The following STK32C variants were observed in gnomAD, a reference collection of about 807,000 sequenced individuals.
The protein encoded by STK32C is serine/threonine-protein kinase 32C.
STK32C carries 31 observed loss-of-function variants against 56.5 expected under a neutral mutation model. That is an observed-to-expected ratio of 0.55 (90% CI 0.41 to 0.74). The LOEUF (loss-of-function observed/expected upper bound fraction) is 0.74, where lower values mean the gene tolerates loss of function less well. Ranked by LOEUF, STK32C falls within the 30% of genes least tolerant of loss-of-function variation. The pLI, the probability that STK32C is intolerant of heterozygous loss-of-function variation, is 0.00. For synonymous variants in STK32C, 309 were observed against 289.4 expected, an observed-to-expected ratio of 1.07 and a Z score of -0.69; for missense variants, 544 against 676.9, an observed-to-expected ratio of 0.80 and a Z score of 2.18.
intron 1 of STK32C, among the ~76,000 whole-genome samples, chr10:132,259,231 A>C (rs1047127972): frequency 7.9e-5 from 12 of 152,368 alleles, no homozygotes; most frequent in African/African-American, 2.9e-4. Context: ...CCCTCCTTCC[A>C]TCCAGGGTAA....
chr10:132,238,247 G>C (rs571075278), intron 2 of STK32C, among the ~76,000 whole-genome samples: 1 of 152,378 alleles, frequency 6.6e-6, no homozygotes, highest in African/African-American at 2.4e-5. Flanking sequence ...GCAGGTCCAA[G>C]AGATCCACAT....
chr10:132,249,214 G>A (rs955537433), intron 1 of STK32C: 5 of 363,532 alleles, frequency 1.4e-5, no homozygotes, highest in Non-Finnish European at 2.7e-5. Context: ...GTGGGGTTGC[G>A]GGAGTGCTGG....
chr10:132,319,939 G>A (rs11591373), downstream of STK32C, among the ~76,000 whole-genome samples: 21,806 of 150,290 alleles, frequency 0.15, 2,038 homozygotes, highest in Non-Finnish European at 0.22. Flanking sequence ...CCAGGGTGGA[G>A]TATAATGGCA....
intron 10 of STK32C, 41 bp downstream of exon 10, chr10:132,222,600 C>A: frequency 6.2e-7 from 1 of 1,602,306 alleles, no homozygotes; most frequent in Non-Finnish European, 8.5e-7. Context: ...GAGCCCCAAG[C>A]CCAGCCCGCC....
intron 1 of STK32C, among the ~76,000 whole-genome samples, chr10:132,253,918 C>T (rs574677401): frequency 2.0e-5 from 3 of 152,372 alleles, no homozygotes. Context: ...GTCTAGCACT[C>T]GGCTGAGTGG....
At chr10:132,299,660 C>T (rs1344071257) in intron 1 of STK32C, among the ~76,000 whole-genome samples, 1 of 152,264 alleles carries the variant, frequency 6.6e-6, no homozygotes, top group African/African-American at 2.4e-5. Flanking sequence ...CACCCGTCCC[C>T]ACTAGGCCCT....
At chr10:132,298,439 A>C (rs11146321) in intron 1 of STK32C, among the ~76,000 whole-genome samples, 67,106 of 152,190 alleles carry the variant, frequency 0.44, 16,886 homozygotes, top group African/African-American at 0.68. Flanking sequence ...GTGTGAGACA[A>C]GTCCACAGGT....
At chr10:132,274,591 C>T (rs2064940696) in intron 1 of STK32C, among the ~76,000 whole-genome samples, 1 of 152,232 alleles carries the variant, frequency 6.6e-6, no homozygotes, top group Non-Finnish European at 1.5e-5. Context: ...CAGGGCCTGG[C>T]CGCAGAGCCT....
intron 10 of STK32C, among the ~76,000 whole-genome samples, chr10:132,217,509 T>C (rs2062508988): frequency 1.3e-5 from 2 of 152,094 alleles, no homozygotes; most frequent in Non-Finnish European, 1.5e-5. Flanking sequence ...TGGGAAGGCA[T>C]GATTGGTTCT....
chr10:132,223,308 G>C (rs1055935504), intron 8 of STK32C, among the ~76,000 whole-genome samples: 3 of 152,158 alleles, frequency 2.0e-5, no homozygotes, highest in South Asian at 2.1e-4. Context: ...CCCGGCTAGC[G>C]GCTAACACTC....
chr10:132,320,681 G>A (rs1379766885), downstream of STK32C, among the ~76,000 whole-genome samples: 1 of 152,184 alleles, frequency 6.6e-6, no homozygotes, highest in East Asian at 1.9e-4. Context: ...GCTGGCGTCC[G>A]TTCAATCCTT....
intron 1 of STK32C, among the ~76,000 whole-genome samples, chr10:132,248,153 G>A (rs370137205): frequency 1.2e-3 from 189 of 152,368 alleles, no homozygotes; most frequent in Non-Finnish European, 2.0e-3. Context: ...AGCCCGGGCC[G>A]CGGCCGCACA....
At chr10:132,244,421 GAGA>G (rs565068478) in intron 2 of STK32C, among the ~76,000 whole-genome samples, 149 of 152,326 alleles carry the variant, frequency 9.8e-4, no homozygotes, top group African/African-American at 3.3e-3. Context: ...CTGTGCTCAT[GAGA>G]AGGAGGGGAC....
At chr10:132,276,558 G>A (rs1201027396) in intron 1 of STK32C, among the ~76,000 whole-genome samples, 1 of 152,154 alleles carries the variant, frequency 6.6e-6, no homozygotes, top group Non-Finnish European at 1.5e-5. Context: ...AAGGCGGGAG[G>A]ACTGCTTGTG....
intron 1 of STK32C, among the ~76,000 whole-genome samples, chr10:132,294,722 G>T (rs557462866): frequency 6.6e-6 from 1 of 152,104 alleles, no homozygotes. Flanking sequence ...CCAGGCATGG[G>T]TCAGTGCACC....
chr10:132,273,568 A>G (rs995893116), intron 1 of STK32C, among the ~76,000 whole-genome samples: 1 of 147,802 alleles, frequency 6.8e-6, no homozygotes, highest in African/African-American at 2.5e-5. Context: ...GAATGAACAC[A>G]TGGTGAGTGA....
intron 1 of STK32C, among the ~76,000 whole-genome samples, chr10:132,293,186 G>A (rs1205841846): frequency 1.3e-5 from 2 of 151,912 alleles, no homozygotes; most frequent in African/African-American, 2.4e-5. Context: ...GCTGGGGCAG[G>A]ACTTAGAGTG....
intron 1 of STK32C, among the ~76,000 whole-genome samples, chr10:132,328,731 G>A: frequency 6.6e-6 from 1 of 152,210 alleles, no homozygotes; most frequent in Admixed American, 6.5e-5. Flanking sequence ...AATTTCCTCA[G>A]TTATAATTTT....
intron 1 of STK32C, among the ~76,000 whole-genome samples, chr10:132,282,048 C>T (rs894610006): frequency 1.8e-4 from 27 of 152,232 alleles, no homozygotes; most frequent in African/African-American, 5.8e-4. Flanking sequence ...GAGGCAGAGC[C>T]GCCAGCTGGC....
Sources: gnomAD v4.1 joint callset for allele counts (sites outside exome capture counted in the v4.1 genomes callset) on GRCh38, gnomAD v4.1.1 for gene constraint, MANE v1.5 for transcripts, NCBI Gene and HGNC (gene_info 2026-07-23, HGNC 2026-07-21) for gene names.